Variants in POLR3GL observed in about 807,000 individuals in gnomAD.
POLR3GL encodes the protein DNA-directed RNA polymerase III subunit RPC7-like.
A neutral mutation model predicts 32.4 loss-of-function variants in POLR3GL; 26 were observed. The observed-to-expected ratio is 0.80, with a 90% CI of 0.59 to 1.11. The LOEUF (loss-of-function observed/expected upper bound fraction) is 1.11. POLR3GL is among the 50% of genes most tolerant of loss of function. The pLI is 0.00. For missense variants in POLR3GL, 229 were observed against 280.1 expected (o/e 0.82, Z 1.30); for synonymous variants, 95 against 98.7 (o/e 0.96, Z 0.22).
At chr1:145,970,601 C>T (rs1377373508) in intron 1 of POLR3GL, among the ~76,000 whole-genome samples, 2 of 151,944 alleles carry the variant, frequency 1.3e-5, no homozygotes, top group Non-Finnish European at 2.9e-5. Context: ...TGGCCGGCCG[C>T]GGTGACTCAC....
At position 145,977,154 on chromosome 1, in the gene POLR3GL, T is replaced by G; in HGVS notation, c.325+2T>G. On this transcript the variant is annotated splice_donor_variant, in intron 4 of 7. Coordinates refer to ENST00000369314, the MANE Select transcript of POLR3GL (RefSeq NM_032305.3). LOFTEE classifies it high-confidence loss of function. ...ACAATGCCATCGATTGGAACCCTGGTAGGTGATGGGCCCTTTCATTGACTG... is the reference window on the plus strand; with the variant it reads ...ACAATGCCATCGATTGGAACCCTGGGAGGTGATGGGCCCTTTCATTGACTG... 6.2e-7 allele frequency: 1 copy of G among 1,612,176 alleles called. No individual in the cohort carries two copies. The highest frequency in any genetic ancestry group is 8.5e-7 in the Non-Finnish European group (1 of 1,178,252).
intron 2 of POLR3GL, 95 bp downstream of exon 2, chr1:145,975,086 G>A (rs1299234980): frequency 2.2e-5 from 31 of 1,437,214 alleles, no homozygotes; most frequent in Admixed American, 1.1e-4. Context: ...AACCATCCTC[G>A]CTTTGGCCCT....
Position 145,978,503 on chromosome 1 carries a change from A to G in POLR3GL, c.*56A>G. 2 of 1,113,690 alleles carry G rather than the reference A, an allele frequency of 1.8e-6. No individual in the cohort carries two copies. The highest frequency in any genetic ancestry group is 2.7e-6 in the Non-Finnish European group (2 of 737,996). The allele number at this position is 1,113,690 out of a possible 1,614,324, so 69.0% of individuals were successfully genotyped here. A position where few individuals can be genotyped will look rare whatever the true frequency, so the allele number is the denominator to read the frequency against. On this transcript the variant is annotated 3_prime_UTR_variant, in exon 8 of 8. Coordinates refer to ENST00000369314, the MANE Select transcript of POLR3GL (RefSeq NM_032305.3). ...TAGGATACAGAGAGTAACTGTACCT[A>G]TTATTTGTTTCTTCAGACAAGCAAA...
chr1:145,972,037 TATAG>T (rs1195081586), intron 1 of POLR3GL, among the ~76,000 whole-genome samples: 7 of 136,180 alleles, frequency 5.1e-5, no homozygotes, highest in Non-Finnish European at 9.2e-5. Context: ...TGTGTATATA[TATAG>T]AGAGAGAGAG....
intron 1 of POLR3GL, among the ~76,000 whole-genome samples, chr1:145,971,300 C>T (rs1198697929): frequency 6.6e-6 from 1 of 151,620 alleles, no homozygotes; most frequent in Non-Finnish European, 1.5e-5. Flanking sequence ...TTGGTTTTTA[C>T]CTATTGCTCT....
At chr1:145,969,631 C>G (rs1405177260) in intron 1 of POLR3GL, among the ~76,000 whole-genome samples, 9 of 149,884 alleles carry the variant, frequency 6.0e-5, no homozygotes, top group Non-Finnish European at 1.3e-4. Context: ...ACAAAGCATA[C>G]ATAACCTGGC....
chr1:145,969,553 T>C (rs1467391906), intron 1 of POLR3GL, among the ~76,000 whole-genome samples: 1 of 148,038 alleles, frequency 6.8e-6, no homozygotes, highest in Non-Finnish European at 1.5e-5. Context: ...TGAGCCACCA[T>C]GCCCAGCCAA....
intron 5 of POLR3GL, 46 bp from the exon 6 acceptor site, chr1:145,977,732 G>T: frequency 6.3e-7 from 1 of 1,583,242 alleles, no homozygotes; most frequent in Non-Finnish European, 8.7e-7. Flanking sequence ...CTATAAAGCT[G>T]GCAAAATTTG....
intron 1 of POLR3GL, among the ~76,000 whole-genome samples, chr1:145,972,641 T>A (rs1650373007): frequency 6.6e-6 from 1 of 152,218 alleles, no homozygotes; most frequent in African/African-American, 2.4e-5. Flanking sequence ...TTGGCTCTTA[T>A]GTCCCTTTGA....
Position 145,978,682 on chromosome 1 carries a change from A to AGG in POLR3GL, c.*237_*238dup, listed in dbSNP as rs1334180746. 1 of 510,512 alleles carries AGG rather than the reference A, an allele frequency of 2.0e-6. No homozygotes were observed. The highest frequency in any genetic ancestry group is 2.0e-5 in the African/African-American group (1 of 51,010). The allele number at this position is 510,512 out of a possible 1,614,324, so 31.6% of individuals were successfully genotyped here. A position where few individuals can be genotyped will look rare whatever the true frequency, so the allele number is the denominator to read the frequency against. ...AAGGACAAACATCTCAATTGTATGA[A>AGG]GGGAGAAAGGAGAATTGAAAGAAGA... On this transcript the variant is annotated 3_prime_UTR_variant, in exon 8 of 8. Coordinates refer to ENST00000369314, the MANE Select transcript of POLR3GL (RefSeq NM_032305.3).
At chr1:145,971,964 CAAAAA>C (rs1187495263) in intron 1 of POLR3GL, among the ~76,000 whole-genome samples, 214 of 45,520 alleles carry the variant, frequency 4.7e-3, no homozygotes, top group Middle Eastern at 0.05. Context: ...GACTCTGTCT[CAAAAA>C]AAAAAAAAAA....
chr1:145,977,235 C>A, intron 4 of POLR3GL, 83 bp downstream of exon 4: 1 of 1,199,562 alleles, frequency 8.3e-7, no homozygotes, highest in Non-Finnish European at 1.2e-6. Flanking sequence ...CCCATGACCC[C>A]ACCCCATTCC....
At chr1:145,972,793 G>A (rs1406263051) in intron 1 of POLR3GL, among the ~76,000 whole-genome samples, 2 of 151,916 alleles carry the variant, frequency 1.3e-5, no homozygotes, top group South Asian at 2.1e-4. Context: ...CAACCTCCCC[G>A]GCTCAAGCAA....
intron 3 of POLR3GL, among the ~76,000 whole-genome samples, 160 bp from the exon 4 acceptor site, chr1:145,976,924 A>AG (rs1650580457): frequency 7.7e-6 from 1 of 130,642 alleles, no homozygotes; most frequent in Non-Finnish European, 1.6e-5. Flanking sequence ...AAAAAAAAAA[A>AG]AAAAAAAGTA....
At chr1:145,970,015 A>T (rs1650207553) in intron 1 of POLR3GL, among the ~76,000 whole-genome samples, 1 of 152,004 alleles carries the variant, frequency 6.6e-6, no homozygotes, top group East Asian at 1.9e-4. Flanking sequence ...TTTTTGGTAC[A>T]TATCCTTCTA....
At chr1:145,970,875 CAAAAAAAA>C (rs35524546) in intron 1 of POLR3GL, among the ~76,000 whole-genome samples, 1 of 13,202 alleles carries the variant, frequency 7.6e-5, no homozygotes, top group African/African-American at 4.4e-4. Context: ...AACTCCATCT[CAAAAAAAA>C]AAAAAAAAAA....
intron 3 of POLR3GL, among the ~76,000 whole-genome samples, chr1:145,976,119 A>G (rs1650542696): frequency 6.6e-6 from 1 of 152,136 alleles, no homozygotes; most frequent in Non-Finnish European, 1.5e-5. Context: ...TACTAAAAAT[A>G]TAAAAATTAG....
chr1:145,976,852 G>C (rs1650576217), intron 3 of POLR3GL, among the ~76,000 whole-genome samples: 1 of 147,686 alleles, frequency 6.8e-6, no homozygotes, highest in African/African-American at 2.5e-5. Flanking sequence ...GGTGGAGGTT[G>C]CAGTAAGCTG....
chr1:145,971,526 A>G (rs919455045), intron 1 of POLR3GL, among the ~76,000 whole-genome samples: 2 of 152,166 alleles, frequency 1.3e-5, no homozygotes, highest in South Asian at 4.1e-4. Context: ...GGATGATCAC[A>G]GAGGTGAAGT....
Sources: gnomAD v4.1 joint callset for allele counts (sites outside exome capture counted in the v4.1 genomes callset) on GRCh38, gnomAD v4.1.1 for gene constraint, MANE v1.5 for transcripts, NCBI Gene and HGNC (gene_info 2026-07-23, HGNC 2026-07-21) for gene names.